The following PPTC7 variants were observed in gnomAD, a reference collection of about 807,000 sequenced individuals.
PPTC7 encodes protein phosphatase targeting COQ7.
A neutral mutation model predicts 30.8 loss-of-function variants in PPTC7; 6 were observed. That is an observed-to-expected ratio of 0.19 (90% CI 0.11 to 0.38). The LOEUF (loss-of-function observed/expected upper bound fraction) is 0.38. PPTC7 is among the 10% of genes least tolerant of loss of function. The pLI is 1.00. For synonymous variants in PPTC7, 163 were observed against 168.1 expected (o/e 0.97, Z 0.23); for missense variants, 218 against 404.8 (o/e 0.54, Z 3.96).
At position 110,559,414 on chromosome 12, in the gene PPTC7, T is replaced by A. The variant is rs552422414; in HGVS notation, c.224-7446A>T. ...TAAGTGTTTATAAGAAGAAAAAAAT[T>A]TTTTTTTTTTTTTAAGAAATGGGGT... On this transcript the variant is annotated intron_variant, in intron 1 of 5. Transcript: ENST00000354300. Among the ~76,000 whole-genome samples, 1,350 of 148,772 alleles carry A rather than the reference T, an allele frequency of 9.1e-3. 27 individuals are homozygous for A. Among genetic ancestry groups the A allele is most frequent in the African/African-American group, 0.032 (1,293 of 40,688 alleles).
intron 1 of PPTC7, 111 bp downstream of exon 1, chr12:110,582,698 G>A (rs2064648721): frequency 5.3e-6 from 5 of 944,946 alleles, no homozygotes; most frequent in Non-Finnish European, 7.7e-6. Context: ...CTCCCTCCAT[G>A]TGAGCGCTCT....
chr12:110,548,744 C>T (rs368720885), intron 2 of PPTC7, among the ~76,000 whole-genome samples: 4 of 152,148 alleles, frequency 2.6e-5, no homozygotes, highest in East Asian at 3.8e-4. Flanking sequence ...TGCTACCCTG[C>T]GACAGTAACT....
chr12:110,564,751 T>C (rs556198926), intron 1 of PPTC7, among the ~76,000 whole-genome samples: 2 of 149,788 alleles, frequency 1.3e-5, no homozygotes, highest in East Asian at 3.9e-4. Flanking sequence ...CACTAATTTA[T>C]ATACACATAT....
chr12:110,569,694 C>T (rs1394407685), intron 1 of PPTC7, among the ~76,000 whole-genome samples: 1 of 152,218 alleles, frequency 6.6e-6, no homozygotes, highest in Non-Finnish European at 1.5e-5. Flanking sequence ...TAGGGCTATA[C>T]TTTGCATTTC....
chr12:110,574,669 G>GC (rs1438137259), intron 1 of PPTC7, among the ~76,000 whole-genome samples: 1 of 152,148 alleles, frequency 6.6e-6, no homozygotes, highest in Non-Finnish European at 1.5e-5. Flanking sequence ...AATGCCCTCT[G>GC]CAATAGGTCA....
At chr12:110,574,915 AT>A (rs1226655418) in intron 1 of PPTC7, among the ~76,000 whole-genome samples, 1 of 147,010 alleles carries the variant, frequency 6.8e-6, no homozygotes, top group African/African-American at 2.5e-5. Context: ...AGTAGCTAGG[AT>A]TACAGGCACT....
intron 2 of PPTC7, among the ~76,000 whole-genome samples, chr12:110,550,330 A>G (rs2064341079): frequency 6.9e-6 from 1 of 145,208 alleles, no homozygotes; most frequent in African/African-American, 2.6e-5. Flanking sequence ...TCCCAGGTTC[A>G]CACCATTCTC....
At position 110,583,064 on chromosome 12, in the gene PPTC7, C is replaced by G; in HGVS notation, c.-33G>C. 7.4e-7 allele frequency: 1 copy of G among 1,359,896 alleles called. No individual in the cohort carries two copies. Among genetic ancestry groups the G allele is most frequent in the Non-Finnish European group, 9.4e-7 (1 of 1,064,794 alleles). 84.2% of individuals were successfully genotyped at this position (1,359,896 alleles called of 1,614,324 possible). A position where few individuals can be genotyped will look rare whatever the true frequency, so the allele number is the denominator to read the frequency against. Reference sequence around the variant, plus strand: ...GCCGCCCCCCCGAGGAGGCGGGGGGCCGGGGGAGCAGGAGGACGCGGAGGC... The same window carrying G: ...GCCGCCCCCCCGAGGAGGCGGGGGGGCGGGGGAGCAGGAGGACGCGGAGGC... On this transcript the variant is annotated 5_prime_UTR_variant, in exon 1 of 6. Coordinates refer to ENST00000354300, the MANE Select transcript of PPTC7 (RefSeq NM_139283.2).
At position 110,535,442 on chromosome 12, in the gene PPTC7, A is replaced by C. The variant is rs2064211722; in HGVS notation, c.*1595T>G. ...GACATGTACATGGTACATGTTAAAC[A>C]ATTTTAAATAAAAGCCTGACAGTTA... is the stretch of plus-strand genomic sequence containing the variant. On this transcript the variant is annotated 3_prime_UTR_variant, in exon 6 of 6. Coordinates refer to ENST00000354300, the MANE Select transcript of PPTC7 (RefSeq NM_139283.2). 1 of 152,662 alleles carries C rather than the reference A, an allele frequency of 6.6e-6. No individual in the cohort carries two copies. Among genetic ancestry groups the C allele is most frequent in the South Asian group, 2.1e-4 (1 of 4,834 alleles). 9.5% of individuals were successfully genotyped at this position (152,662 alleles called of 1,614,324 possible). A position where few individuals can be genotyped will look rare whatever the true frequency, so the allele number is the denominator to read the frequency against.
intron 1 of PPTC7, among the ~76,000 whole-genome samples, chr12:110,572,308 G>A (rs2064543087): frequency 6.6e-6 from 1 of 152,146 alleles, no homozygotes; most frequent in Non-Finnish European, 1.5e-5. Context: ...GCCGGGTGTG[G>A]TGGCATGTGC....
intron 5 of PPTC7, among the ~76,000 whole-genome samples, chr12:110,537,727 C>T (rs529708422): frequency 6.6e-6 from 1 of 152,328 alleles, no homozygotes; most frequent in African/African-American, 2.4e-5. Context: ...TCAAACCCTG[C>T]TGTGGCAATT....
chr12:110,580,348 AT>A (rs920634381), intron 1 of PPTC7, among the ~76,000 whole-genome samples: 1 of 151,798 alleles, frequency 6.6e-6, no homozygotes, highest in East Asian at 1.9e-4. Context: ...ATTTTATTGT[AT>A]TTTTTTTGAG....
chr12:110,583,058 G>GGGGGGCC lies in PPTC7; in HGVS notation c.-34_-28dup. ...GCCGCCGCCGCCCCCCCGAGGAGGC[G>GGGGGGCC]GGGGGCCGGGGGAGCAGGAGGACGC... On this transcript the variant is annotated 5_prime_UTR_variant, in exon 1 of 6. Transcript: ENST00000354300. 4 of 1,363,466 alleles carry GGGGGGCC rather than the reference G, an allele frequency of 2.9e-6. No individual in the cohort carries two copies. Among genetic ancestry groups the GGGGGGCC allele is most frequent in the Non-Finnish European group, 3.7e-6 (4 of 1,068,056 alleles). 84.5% of individuals were successfully genotyped at this position (1,363,466 alleles called of 1,614,324 possible).
Position 110,554,911 on chromosome 12 carries a change from A to T in PPTC7, c.224-2943T>A, listed in dbSNP as rs557688999. Among the ~76,000 whole-genome samples, 32 of 152,350 alleles carry T rather than the reference A, an allele frequency of 2.1e-4. 2 individuals carry two copies. The South Asian group carries it at 6.4e-3, about 31-fold the overall frequency. On this transcript the variant is annotated intron_variant, in intron 1 of 5. Coordinates refer to ENST00000354300, the MANE Select transcript of PPTC7 (RefSeq NM_139283.2). ...AATGGGAATTTTTGCCTTTTACTTC[A>T]TACCATTCTGTATTAATTTTATTTT...
rs143190897 is a variant in PPTC7 at position 110,546,263 on chromosome 12, G to A, written c.404-185C>T. 1.8e-3 allele frequency: 1,077 copies of A among 589,528 alleles called. 10 individuals are homozygous for A. The highest frequency in any genetic ancestry group is 0.013 in the South Asian group (639 of 49,286). 36.5% of individuals were successfully genotyped at this position (589,528 alleles called of 1,614,324 possible). Reference sequence around the variant, plus strand: ...TAAAATCCTGATCAGGGTTAACACGGTGGGGAAAGAAAAAGGATTTGTATT... The same window carrying A: ...TAAAATCCTGATCAGGGTTAACACGATGGGGAAAGAAAAAGGATTTGTATT... On this transcript the variant is annotated intron_variant, in intron 2 of 5. Coordinates refer to ENST00000354300, the MANE Select transcript of PPTC7 (RefSeq NM_139283.2).
intron 3 of PPTC7, among the ~76,000 whole-genome samples, chr12:110,540,870 G>C (rs1236424953): frequency 6.6e-6 from 1 of 151,684 alleles, no homozygotes; most frequent in South Asian, 2.1e-4. Flanking sequence ...CCGCTTCCTG[G>C]GTTCACGCCA....
intron 3 of PPTC7, among the ~76,000 whole-genome samples, chr12:110,542,674 A>C (rs911999431): frequency 3.0e-4 from 32 of 108,252 alleles, no homozygotes; most frequent in Non-Finnish European, 5.5e-4. Flanking sequence ...ACTCTGTCTC[A>C]AAAAAAAAAA....
At chr12:110,577,950 A>G (rs2064603197) in intron 1 of PPTC7, among the ~76,000 whole-genome samples, 1 of 152,200 alleles carries the variant, frequency 6.6e-6, no homozygotes, top group Non-Finnish European at 1.5e-5. Flanking sequence ...TCGAAGCACA[A>G]AAGTATCAGG....
chr12:110,577,258 A>G (rs1418701316), intron 1 of PPTC7, among the ~76,000 whole-genome samples: 1 of 151,804 alleles, frequency 6.6e-6, no homozygotes, highest in Non-Finnish European at 1.5e-5. Context: ...AAATTATGGC[A>G]TGTCCTGCAC....
Sources: allele counts gnomAD v4.1 joint callset (sites outside exome capture counted in the v4.1 genomes callset), GRCh38; gene constraint gnomAD v4.1.1; transcripts MANE v1.5; gene names NCBI Gene and HGNC (gene_info 2026-07-23, HGNC 2026-07-21).